HNRNPH1: variants seen among roughly 807,000 people sequenced by gnomAD.
HNRNPH1 encodes heterogeneous nuclear ribonucleoprotein H1, also known as heterogeneous nuclear ribonucleoprotein H.
Under a neutral mutation model 58.6 loss-of-function variants are expected in HNRNPH1, and 4 were observed. The observed-to-expected ratio is 0.07, with a 90% CI of 0.03 to 0.16. The LOEUF (loss-of-function observed/expected upper bound fraction) is 0.16, where lower values mean the gene tolerates loss of function less well. Ranked by LOEUF, HNRNPH1 falls within the 10% of genes least tolerant of loss-of-function variation. The pLI is 1.00. For synonymous variants in HNRNPH1, 192 were observed against 189.2 expected (o/e 1.01, Z -0.12); for missense variants, 271 against 564.2 (o/e 0.48, Z 5.26).
intron 12 of HNRNPH1, 72 bp from the exon 14 acceptor site, chr5:179,615,031 G>A (rs574399021): frequency 7.2e-6 from 7 of 973,314 alleles, no homozygotes; most frequent in African/African-American, 1.6e-5. Context: ...AGTATTCCAA[G>A]AAAAAGTTTA....
At position 179,621,311 on chromosome 5, in the gene HNRNPH1, C is replaced by G. The variant is rs2127675169; in HGVS notation, c.184G>C (p.Glu62Gln). Residue 62 changes from glutamate (E) to glutamine (Q), a missense_variant, in exon 2 of 13, where the codon GAA (glutamate) becomes CAA (glutamine). Glu to Gln is a conservative substitution (Grantham distance 29). Around this residue, in one of 6 missense-constraint regions of HNRNPH1, gnomAD observed 55 missense variants for 201.9 expected, o/e 0.27. Coordinates refer to ENST00000356731, the Ensembl canonical transcript of HNRNPH1. ...GCCAATTTGACTTCATCTTCTGATT[C>G]AAGTTCAACAAAAGCCTCGCCACTT... is the stretch of plus-strand genomic sequence containing the variant. The G allele has an allele frequency of 6.2e-7, 1 of 1,613,874 alleles. No individual in the cohort carries two copies.
Position 179,617,844 on chromosome 5 carries a change from G to A in HNRNPH1, c.876C>T (p.His292=), listed in dbSNP as rs373146708. 22 of 1,613,340 alleles carry A rather than the reference G, an allele frequency of 1.4e-5. No individual in the cohort carries two copies. In the African/African-American group the frequency reaches 2.1e-4, roughly 16 times the overall value. The change falls in exon 7 of 13, where the codon CAC becomes CAT. Residue 292 remains histidine, a synonymous_variant. Transcript: ENST00000356731. ...TAGCTCTGTAAGGTAATCCCCGCAT[G>A]TGTACACAGTGTCCTGTTGTGCTCT...
At chr5:179,621,902 C>G (rs1338860782) in intron 1 of HNRNPH1, 1 of 455,850 alleles carries the variant, frequency 2.2e-6, no homozygotes, top group Admixed American at 2.4e-5. Context: ...TGAAGCCAAA[C>G]CCAGTGTTGC....
chr5:179,630,943 A>G (rs979947212), intron 2 of HNRNPH1, among the ~76,000 whole-genome samples: 11 of 152,126 alleles, frequency 7.2e-5, no homozygotes, highest in Admixed American at 5.2e-4. Context: ...GCTCAAAAAA[A>G]AAACAAAAAC....
intron 10 of HNRNPH1, chr5:179,616,619 G>C (rs1471548755): frequency 1.9e-6 from 1 of 535,208 alleles, no homozygotes; most frequent in Non-Finnish European, 3.3e-6. Flanking sequence ...TTTATACTTA[G>C]AAAATTTAAG....
chr5:179,622,956 C>CA (rs1441286420), intron 1 of HNRNPH1, 81 bp downstream of exon 2: 2 of 142,838 alleles, frequency 1.4e-5, no homozygotes, highest in African/African-American at 5.1e-5. Flanking sequence ...CGCCCCGCCC[C>CA]GCCCCGCCCC....
intron 2 of HNRNPH1, among the ~76,000 whole-genome samples, chr5:179,633,461 A>ATTT (rs762139490): frequency 8.3e-4 from 85 of 102,582 alleles, no homozygotes; most frequent in African/African-American, 3.1e-3. Context: ...CACCCGGCTA[A>ATTT]TTTTTTTTTT....
intron 1 of HNRNPH1, 173 bp from the exon 3 acceptor site, chr5:179,621,570 CATTCCTA>C: frequency 1.7e-6 from 1 of 600,920 alleles, no homozygotes; most frequent in Non-Finnish European, 2.9e-6. Flanking sequence ...AAAACAAACT[CATTCCTA>C]AGGTGATATA....
At chr5:179,619,059 T>C in intron 4 of HNRNPH1, 1 of 423,332 alleles carries the variant, frequency 2.4e-6, no homozygotes, top group Non-Finnish European at 4.3e-6. Flanking sequence ...ACTCACAAAA[T>C]TGTCAAGCAG....
intron 11 of HNRNPH1, 72 bp downstream of exon 12, chr5:179,616,054 A>T (rs1321357979): frequency 6.9e-6 from 9 of 1,309,236 alleles, no homozygotes; most frequent in Non-Finnish European, 1.0e-5. Context: ...CTTTACCATA[A>T]CTTACTCTAA....
chr5:179,633,539 C>T (rs1398319331), intron 2 of HNRNPH1, among the ~76,000 whole-genome samples: 1 of 145,844 alleles, frequency 6.9e-6, no homozygotes, highest in African/African-American at 2.5e-5. Flanking sequence ...GTATCCATCT[C>T]CTGACCTCGT....
exon 2 of HNRNPH1, chr5:179,621,246 A>G (rs1562294506): frequency 6.2e-7 from 1 of 1,613,534 alleles, no homozygotes; most frequent in East Asian, 2.2e-5. Context: ...TCAAACCTTC[A>G]ACATATCTGT....
At chr5:179,630,484 A>C (rs1774739459) in intron 2 of HNRNPH1, among the ~76,000 whole-genome samples, 1 of 152,240 alleles carries the variant, frequency 6.6e-6, no homozygotes, top group Non-Finnish European at 1.5e-5. Context: ...CTTTGCAACT[A>C]ATTTTCAAAT....
Position 179,614,751 on chromosome 5 carries a change from TTGCAGAAAC to T in HNRNPH1, c.*200_*208del, listed in dbSNP as rs568496415. 30 of 683,386 alleles carry T rather than the reference TTGCAGAAAC, an allele frequency of 4.4e-5. No homozygotes were observed. In the African/African-American group the frequency reaches 4.7e-4, roughly 11 times the overall value. The allele number at this position is 683,386 out of a possible 1,614,324, so 42.3% of individuals were successfully genotyped here. On this transcript the variant is annotated 3_prime_UTR_variant, in exon 13 of 13. Transcript: ENST00000356731. ...AGTAAGCATAAATCACAAGCTTGTA[TTGCAGAAAC>T]TGTTAAACTGAAGTTTTCTTAAAGA...
chr5:179,634,422 GC>G (rs1775078474), intron 1 of HNRNPH1: 1 of 59,262 alleles, frequency 1.7e-5, no homozygotes, highest in African/African-American at 4.9e-5. Context: ...TATTTAAAGA[GC>G]AGGGCTGAAA....
At chr5:179,615,270 G>C (rs1768964723) in intron 12 of HNRNPH1, 1 of 439,808 alleles carries the variant, frequency 2.3e-6, no homozygotes, top group Non-Finnish European at 4.0e-6. Context: ...TATTTTTAAA[G>C]CTAAACAAGG....
upstream of HNRNPH1, chr5:179,624,816 T>C (rs1321000257): frequency 2.3e-5 from 9 of 386,896 alleles, no homozygotes; most frequent in Non-Finnish European, 4.1e-5. Flanking sequence ...CCTTAGCTAG[T>C]GCAAGCCTGA....
At chr5:179,626,901 G>C (rs1388376410), upstream of HNRNPH1, among the ~76,000 whole-genome samples, 1 of 147,900 alleles carries the variant, frequency 6.8e-6, no homozygotes, top group Non-Finnish European at 1.5e-5. Flanking sequence ...TCAGCCTCCC[G>C]AGTAGAGTAG....
chr5:179,614,784 GA>G (rs35827689), exon 13 of HNRNPH1: 53,884 of 439,354 alleles, frequency 0.12, 1,917 homozygotes, highest in African/African-American at 0.31. Context: ...TTTTCTTAAA[GA>G]AAAAAAAAAA....
Sources: allele counts gnomAD v4.1 joint callset (sites outside exome capture counted in the v4.1 genomes callset), GRCh38; gene constraint gnomAD v4.1.1; regional missense constraint gnomAD v4.1.1; transcripts MANE v1.5; gene names NCBI Gene and HGNC (gene_info 2026-07-23, HGNC 2026-07-21).